The following HGD variants were observed in gnomAD, a reference collection of about 807,000 sequenced individuals.
HGD encodes homogentisate 1,2-dioxygenase, also known as homogentisate oxidase.
In HGD, 61 loss-of-function variants were observed where a neutral mutation model predicts 60.8. The ratio of observed to expected loss-of-function variants is 1.00; its 90% confidence interval spans 0.82 to 1.24. The LOEUF is 1.24. HGD is among the 50% of genes most tolerant of loss of function. HGD has a pLI of 0.00. For missense variants in HGD, 542 were observed against 547.1 expected, an observed-to-expected ratio of 0.99 and a Z score of 0.09; for synonymous variants, 212 against 187.7, an observed-to-expected ratio of 1.13 and a Z score of -1.06.
At chr3:120,662,530 G>A (rs1707796564) in intron 4 of HGD, among the ~76,000 whole-genome samples, 1 of 152,104 alleles carries the variant, frequency 6.6e-6, no homozygotes, top group South Asian at 2.1e-4. Context: ...GAGCAAGACT[G>A]AGGAATCTAC....
intron 12 of HGD, among the ~76,000 whole-genome samples, chr3:120,637,347 C>T (rs1940818019): frequency 6.7e-6 from 1 of 149,896 alleles, no homozygotes; most frequent in Non-Finnish European, 1.5e-5. Flanking sequence ...ATAATACTAC[C>T]TGTCTCTTAC....
Position 120,633,181 on chromosome 3 carries a change from T to G in HGD, c.1154A>C (p.Lys385Thr), listed in dbSNP as rs769091766. 1 of 1,614,132 alleles carries G rather than the reference T, an allele frequency of 6.2e-7. No individual in the cohort carries two copies. Among genetic ancestry groups the G allele is most frequent in the Non-Finnish European group, 8.5e-7 (1 of 1,180,010 alleles). The stretch of plus-strand genomic sequence containing the variant: ...ATCGGCAATCCTCTCAGGTGCCAGC[T>G]TGACCTTGCTGGCCTTCTCAAAGCA... ...ADCFEKASKV[K>T]LAPERIADGT... Residue 385 changes from lysine to threonine, a missense_variant, in exon 13 of 14, where the codon AAG becomes ACG. This residue lies in a region of HGD where 537 missense variants were observed against 529.1 expected (regional missense o/e 1.01). Coordinates refer to ENST00000283871, the MANE Select transcript of HGD (RefSeq NM_000187.4).
chr3:120,675,720 G>T, intron 2 of HGD, 72 bp downstream of exon 2: 1 of 1,168,560 alleles, frequency 8.6e-7, no homozygotes, highest in Non-Finnish European at 1.3e-6. Flanking sequence ...GTGGGTGGAG[G>T]CACTTTGGCC....
At chr3:120,657,516 G>A (rs545008729) in intron 4 of HGD, among the ~76,000 whole-genome samples, 3 of 151,962 alleles carry the variant, frequency 2.0e-5, no homozygotes, top group African/African-American at 7.2e-5. Context: ...CAACAACACT[G>A]GCTGAGGATA....
In HGD at chr3:120,646,381, A is replaced by G; in HGVS notation, c.550-15T>C. The G allele has an allele frequency of 6.6e-7, 1 of 1,525,690 alleles. No homozygotes were observed. Among genetic ancestry groups the G allele is most frequent in the Non-Finnish European group, 9.1e-7 (1 of 1,099,482 alleles). 94.5% of individuals were successfully genotyped at this position (1,525,690 alleles called of 1,614,324 possible). On this transcript the variant is annotated splice_polypyrimidine_tract_variant and intron_variant, in intron 8 of 13. Transcript: ENST00000283871. ...CGCATTCCTCTCTGGAATGGAAAGC[A>G]GACACTGGTGTGCCCTCTGAAATCA...
At chr3:120,634,023 C>T (rs1342491337) in intron 12 of HGD, among the ~76,000 whole-genome samples, 1 of 151,984 alleles carries the variant, frequency 6.6e-6, no homozygotes, top group East Asian at 1.9e-4. Flanking sequence ...TTTCTAGTTC[C>T]ATTGATACCC....
intron 13 of HGD, among the ~76,000 whole-genome samples, chr3:120,629,082 G>A (rs1397054831): frequency 6.6e-6 from 1 of 152,158 alleles, no homozygotes; most frequent in Non-Finnish European, 1.5e-5. Flanking sequence ...GGGAGGAGAG[G>A]GAGGTGAAGG....
intron 5 of HGD, among the ~76,000 whole-genome samples, chr3:120,651,475 C>A (rs533037073): frequency 2.6e-5 from 4 of 152,188 alleles, no homozygotes; most frequent in Non-Finnish European, 1.5e-5. Flanking sequence ...GAGAGCTCTG[C>A]GCCTCCAGAT....
intron 12 of HGD, chr3:120,633,546 A>T: frequency 6.7e-7 from 1 of 1,482,910 alleles, no homozygotes; most frequent in Non-Finnish European, 9.0e-7. Flanking sequence ...CATGTGGATT[A>T]TCAGAGGTCT....
At chr3:120,655,502 G>T (rs1041779116) in intron 4 of HGD, among the ~76,000 whole-genome samples, 1 of 152,170 alleles carries the variant, frequency 6.6e-6, no homozygotes, top group African/African-American at 2.4e-5. Flanking sequence ...AGATCATACT[G>T]GGCCTGTATC....
intron 13 of HGD, among the ~76,000 whole-genome samples, chr3:120,632,686 T>C (rs1194291929): frequency 6.6e-6 from 1 of 152,168 alleles, no homozygotes; most frequent in African/African-American, 2.4e-5. Context: ...CGCAGAAGAC[T>C]CTGAGACATA....
At position 120,669,593 on chromosome 3, in the gene HGD, C is replaced by A. The variant is rs147974828; in HGVS notation, c.282+834G>T. 3.3e-5 allele frequency among the ~76,000 whole-genome samples: 5 copies of A among 152,234 alleles called. No homozygotes were observed. In the East Asian group the frequency reaches 5.8e-4, roughly 18 times the overall value. Reference sequence around the variant, plus strand: ...AACCATAACCTAATTGGATGTGTAACCTACTCTTGTGCCAATCATGGTGAC... The same window carrying A: ...AACCATAACCTAATTGGATGTGTAAACTACTCTTGTGCCAATCATGGTGAC... On this transcript the variant is annotated intron_variant, in intron 4 of 13. Coordinates refer to ENST00000283871, the MANE Select transcript of HGD (RefSeq NM_000187.4).
At chr3:120,666,696 G>C (rs1707907058) in intron 4 of HGD, among the ~76,000 whole-genome samples, 1 of 152,008 alleles carries the variant, frequency 6.6e-6, no homozygotes. Context: ...TGGTCAAGCT[G>C]TTCTCGATCT....
intron 5 of HGD, among the ~76,000 whole-genome samples, chr3:120,652,058 T>C (rs1941358116): frequency 6.6e-6 from 1 of 152,232 alleles, no homozygotes; most frequent in Admixed American, 6.5e-5. Context: ...ATAGTTGTTA[T>C]AGATACCTCA....
chr3:120,644,436 A>G lies in HGD; in HGVS notation c.657T>C (p.Asn219=), dbSNP rs1941094874. 3 of 1,614,146 alleles carry G rather than the reference A, an allele frequency of 1.9e-6. No individual in the cohort carries two copies. Residue 219 remains asparagine (N), a synonymous_variant, in exon 10 of 14, where the codon AAT becomes AAC. Transcript: ENST00000283871. ...AGAAATCACGAGGATTGGCCAAGCCATTGGCCCCTAGAAAACAGTAACCCA... is the reference window on the plus strand; with the variant it reads ...AGAAATCACGAGGATTGGCCAAGCCGTTGGCCCCTAGAAAACAGTAACCCA... ...ELPDLGPIGA[N]GLANPRDFLI...
In HGD at chr3:120,638,488, C is replaced by T. The variant is rs769424424; in HGVS notation, c.973G>A (p.Ala325Thr). The T allele has an allele frequency of 6.2e-7, 1 of 1,613,954 alleles. No homozygotes were observed. The highest frequency in any genetic ancestry group is 8.5e-7 in the Non-Finnish European group (1 of 1,179,940). The change falls in exon 12 of 14, where the codon GCT becomes ACT. Residue 325 changes from alanine to threonine, a missense_variant. Physicochemically the swap from Ala to Thr is moderately conservative, Grantham distance 58. Around this residue, in one of 2 missense-constraint regions of HGD, gnomAD observed 537 missense variants for 529.1 expected, o/e 1.01. Coordinates refer to ENST00000283871, the MANE Select transcript of HGD (RefSeq NM_000187.4). ...TAAGGAGGCCTGAAGGTCTTATCAG[C>T]AACCCCCCATCGAGGTGGGAAGATG... ...FVIFPPRWGVADKTFRPPYYH... is the reference protein window; with the variant it reads ...FVIFPPRWGVTDKTFRPPYYH...
rs191086929 is a variant in HGD, at chr3:120,669,968, G to A, written c.282+459C>T. On this transcript the variant is annotated intron_variant, in intron 4 of 13. Transcript: ENST00000283871. The stretch of plus-strand genomic sequence containing the variant: ...GAATTATAGTTCCCATAATCCTCAC[G>A]TTTTGTGGGAGGGACATTCATGGTG... Among the ~76,000 whole-genome samples, 29 of 152,132 alleles carry A rather than the reference G, an allele frequency of 1.9e-4. No homozygotes were observed. The East Asian group carries it at 5.0e-3, about 26-fold the overall frequency.
Position 120,638,469 on chromosome 3 carries a change from G to A in HGD, c.992C>T (p.Pro331Leu), listed in dbSNP as rs771360138. 2 of 1,613,862 alleles carry A rather than the reference G, an allele frequency of 1.2e-6. No individual in the cohort carries two copies. Among genetic ancestry groups the A allele is most frequent in the Non-Finnish European group, 1.7e-6 (2 of 1,179,894 alleles). Residue 331 changes from proline to leucine, a missense_variant, in exon 12 of 14, where the codon CCT becomes CTT. Coordinates refer to ENST00000283871, the MANE Select transcript of HGD (RefSeq NM_000187.4). ...GAGAGACTTACTATGGTAATAAGGAGGCCTGAAGGTCTTATCAGCAACCCC... is the reference window on the plus strand; with the variant it reads ...GAGAGACTTACTATGGTAATAAGGAAGCCTGAAGGTCTTATCAGCAACCCC... ...RWGVADKTFR[P>L]PYYHRNCMSE...
chr3:120,675,140 T>A, intron 2 of HGD, 151 bp from the exon 3 acceptor site: 1 of 646,806 alleles, frequency 1.5e-6, no homozygotes, highest in South Asian at 1.5e-5. Context: ...ACTTTTGATG[T>A]GACTTGCCCC....
Sources: allele counts gnomAD v4.1 joint callset (sites outside exome capture counted in the v4.1 genomes callset), GRCh38; gene constraint gnomAD v4.1.1; regional missense constraint gnomAD v4.1.1; transcripts MANE v1.5; gene names NCBI Gene and HGNC (gene_info 2026-07-23, HGNC 2026-07-21).